The following TTC19 variants were observed in gnomAD, a reference collection of about 807,000 sequenced individuals.
TTC19 encodes the protein tetratricopeptide repeat domain 19.
In TTC19, 38 loss-of-function variants were observed where a neutral mutation model predicts 49.5. The ratio of observed to expected loss-of-function variants is 0.77; its 90% confidence interval spans 0.59 to 1.01. TTC19 has a LOEUF of 1.01. Ranked by LOEUF, TTC19 falls within the 50% of genes least tolerant of loss-of-function variation. TTC19 has a pLI of 0.00. For synonymous variants in TTC19, 204 were observed against 185.2 expected (o/e 1.10, Z -0.83); for missense variants, 475 against 477.7 (o/e 0.99, Z 0.05).
At chr17:16,001,860 A>C in intron 2 of TTC19, 55 bp from the exon 3 acceptor site, 8 of 1,188,466 alleles carry the variant, frequency 6.7e-6, no homozygotes, top group Non-Finnish European at 1.0e-5. Flanking sequence ...TCTGTCTCTT[A>C]GCATATGCAT....
chr17:16,016,823 G>A, intron 7 of TTC19, among the ~76,000 whole-genome samples: 1 of 152,122 alleles, frequency 6.6e-6, no homozygotes, highest in Non-Finnish European at 1.5e-5. Flanking sequence ...CTCCCAGAGT[G>A]CTGGGATTAC....
At position 16,003,840 on chromosome 17, in the gene TTC19, C is replaced by G. The variant is rs527763533; in HGVS notation, c.472C>G (p.Leu158Val). Residue 158 changes from leucine to valine, a missense_variant, in exon 5 of 10, where the codon CTT (leucine) becomes GTT (valine). Transcript: ENST00000261647. ...IRGQLENAEQ[L>V]FKATMSYLLG... ...TTCCTTATGCTTTTAGGCTGAACAA[C>G]TTTTTAAAGCAACAATGAGTTACCT... 18 of 1,613,740 alleles carry G rather than the reference C, an allele frequency of 1.1e-5. No individual in the cohort carries two copies. In the East Asian group the frequency reaches 3.8e-4, roughly 34 times the overall value.
chr17:16,032,482 G>C, downstream of TTC19: 1 of 1,563,074 alleles, frequency 6.4e-7, no homozygotes. Context: ...ACTGAGTTGA[G>C]CCTGACAAAA....
chr17:16,008,420 C>T (rs943658677), intron 7 of TTC19, among the ~76,000 whole-genome samples: 6 of 152,166 alleles, frequency 3.9e-5, no homozygotes, highest in African/African-American at 1.4e-4. Flanking sequence ...ATTTCTTCCT[C>T]ATTCCTCATA....
At chr17:16,042,117 T>G (rs753787299) in intron 2 of TTC19, among the ~76,000 whole-genome samples, 10 of 151,258 alleles carry the variant, frequency 6.6e-5, no homozygotes, top group Non-Finnish European at 1.2e-4. Context: ...AGAGTGCATG[T>G]GCCTAGAAAC....
chr17:16,039,571 C>T lies in TTC19; in HGVS notation c.248-4932C>T, dbSNP rs564442571. On this transcript the variant is annotated intron_variant, in intron 2 of 2. Transcript: ENST00000470649. ...TCCTCAACTTTGTCATCAAAGCTTC[C>T]CATGAGAGCCTTCCTGATAATGTCT... 1.1e-5 allele frequency: 17 copies of T among 1,614,120 alleles called. No homozygotes were observed. The South Asian group carries it at 1.4e-4, about 14-fold the overall frequency.
At chr17:16,031,711 TC>T (rs1466684243), downstream of TTC19, 3 of 228,766 alleles carry the variant, frequency 1.3e-5, no homozygotes, top group Non-Finnish European at 2.6e-5. Flanking sequence ...GTGTTAAAAA[TC>T]TAAACATTTT....
intron 2 of TTC19, among the ~76,000 whole-genome samples, chr17:16,041,814 G>C (rs2057734652): frequency 6.6e-6 from 1 of 152,016 alleles, no homozygotes; most frequent in Admixed American, 6.6e-5. Flanking sequence ...TTGGCTCACT[G>C]CAAGCTCTGC....
chr17:16,002,430 GCCTC>G (rs780961721), intron 3 of TTC19, among the ~76,000 whole-genome samples: 5 of 152,092 alleles, frequency 3.3e-5, no homozygotes, highest in Non-Finnish European at 7.3e-5. Context: ...ACCTGCCTTG[GCCTC>G]CCAAAGTGCT....
rs754865460 is a variant in TTC19 at position 16,002,851 on chromosome 17, A to G, written c.462+20A>G. Reference sequence around the variant, plus strand: ...GAAAATGTAAGTAAATTGCTTTGTAATATCTTGAATTTATGAAGGAGTAGC... The same window carrying G: ...GAAAATGTAAGTAAATTGCTTTGTAGTATCTTGAATTTATGAAGGAGTAGC... On this transcript the variant is annotated intron_variant, in intron 4 of 9. Transcript: ENST00000261647. 11 of 1,612,474 alleles carry G rather than the reference A, an allele frequency of 6.8e-6. No homozygotes were observed. Among genetic ancestry groups the G allele is most frequent in the South Asian group, 2.2e-5 (2 of 91,048 alleles).
intron 2 of TTC19, chr17:16,034,718 G>A (rs1567617615): frequency 5.4e-6 from 8 of 1,486,914 alleles, no homozygotes; most frequent in Non-Finnish European, 7.3e-6. Context: ...CCAAGACATT[G>A]ATATTATTGC....
At chr17:16,018,588 C>A (rs543861375) in intron 7 of TTC19, among the ~76,000 whole-genome samples, 37 of 152,038 alleles carry the variant, frequency 2.4e-4, no homozygotes, top group Non-Finnish European at 4.1e-4. Flanking sequence ...CTCACTGCAG[C>A]CTCAACCTCC....
chr17:16,017,364 G>A (rs1971244399), intron 7 of TTC19, among the ~76,000 whole-genome samples: 1 of 149,818 alleles, frequency 6.7e-6, no homozygotes, highest in Non-Finnish European at 1.5e-5. Context: ...CAGGAGAATG[G>A]CACGAACCCA....
rs1973726975 is a variant in TTC19 at position 16,034,622 on chromosome 17, C to T, written c.247+7920C>T. ...GACCCCTCAAAAAAATACTTCTATT[C>T]GGGAAAGTGGAACATATTAATGATA... is the stretch of plus-strand genomic sequence containing the variant. On this transcript the variant is annotated intron_variant, in intron 2 of 2. Coordinates refer to the TTC19 transcript ENST00000470649. 15 of 766,770 alleles carry T rather than the reference C, an allele frequency of 2.0e-5. 1 individual carries two copies. Among genetic ancestry groups the T allele is most frequent in the East Asian group, 7.7e-5 (3 of 39,010 alleles). The allele number at this position is 766,770 out of a possible 1,614,324, so 47.5% of individuals were successfully genotyped here. A position where few individuals can be genotyped will look rare whatever the true frequency, so the allele number is the denominator to read the frequency against.
At chr17:16,008,529 C>CTGTTTCAAGACCTCAGTACCTTTGTA (rs1970976624) in intron 7 of TTC19, among the ~76,000 whole-genome samples, 4 of 152,236 alleles carry the variant, frequency 2.6e-5, no homozygotes, top group Admixed American at 1.3e-4. Flanking sequence ...CAGGCCATCA[C>CTGTTTCAAGACCTCAGTACCTTTGTA]TGTTTCAAGA....
chr17:16,016,665 C>T (rs1353455063), intron 7 of TTC19, among the ~76,000 whole-genome samples: 2 of 145,238 alleles, frequency 1.4e-5, no homozygotes, highest in East Asian at 4.1e-4. Flanking sequence ...TCAAGTGATT[C>T]TTGCACTTCA....
chr17:16,011,562 A>G (rs1971070584), intron 7 of TTC19, among the ~76,000 whole-genome samples: 1 of 152,212 alleles, frequency 6.6e-6, no homozygotes. Context: ...TCAGAATAGT[A>G]AATCTGTTAT....
chr17:16,000,666 AT>A (rs887850923), intron 2 of TTC19, among the ~76,000 whole-genome samples: 12 of 150,186 alleles, frequency 8.0e-5, no homozygotes, highest in Admixed American at 4.0e-4. Context: ...ATCCTTTTCT[AT>A]TTTTTTTTCC....
chr17:16,020,964 G>A (rs796066740), intron 7 of TTC19, among the ~76,000 whole-genome samples: 6 of 152,234 alleles, frequency 3.9e-5, no homozygotes, highest in African/African-American at 1.4e-4. Flanking sequence ...CAGGATTGCA[G>A]GTGTGAGCCA....
Sources: allele counts gnomAD v4.1 joint callset (sites outside exome capture counted in the v4.1 genomes callset), GRCh38; gene constraint gnomAD v4.1.1; transcripts MANE v1.5; gene names NCBI Gene and HGNC (gene_info 2026-07-23, HGNC 2026-07-21).